Variants in PRKCA observed in about 807,000 individuals in gnomAD.
PRKCA encodes protein kinase C alpha.
In PRKCA, 27 loss-of-function variants were observed where a neutral mutation model predicts 87.0. The observed-to-expected ratio is 0.31, with a 90% CI of 0.23 to 0.43. PRKCA has a LOEUF of 0.43. Ranked by LOEUF, PRKCA falls within the 20% of genes least tolerant of loss-of-function variation. The probability of loss-of-function intolerance (pLI) is 1.00; values close to 1 mark genes in which losing one functional copy is unlikely to be tolerated. For synonymous variants in PRKCA, 329 were observed against 311.1 expected, an observed-to-expected ratio of 1.06 and a Z score of -0.61; for missense variants, 518 against 852.3, an observed-to-expected ratio of 0.61 and a Z score of 4.88.
chr17:66,474,991 A>G (rs1460550132), intron 2 of PRKCA, among the ~76,000 whole-genome samples: 2 of 151,992 alleles, frequency 1.3e-5, no homozygotes, highest in South Asian at 4.1e-4. Context: ...TGTAACCTCC[A>G]CCCTTTGTTT....
chr17:66,382,838 C>T (rs931811052), intron 2 of PRKCA, among the ~76,000 whole-genome samples: 5 of 152,182 alleles, frequency 3.3e-5, no homozygotes, highest in South Asian at 2.1e-4. Flanking sequence ...ACTGGACAGA[C>T]ACCCCCCCAT....
chr17:66,468,775 A>T (rs996384531), intron 2 of PRKCA, among the ~76,000 whole-genome samples: 1 of 152,096 alleles, frequency 6.6e-6, no homozygotes, highest in Non-Finnish European at 1.5e-5. Context: ...AGAGAAACAG[A>T]AGTTGTGGCT....
At chr17:66,569,450 TC>T (rs1479727340) in intron 3 of PRKCA, among the ~76,000 whole-genome samples, 1 of 152,166 alleles carries the variant, frequency 6.6e-6, no homozygotes, top group Admixed American at 6.5e-5. Flanking sequence ...GCACCTGTAA[TC>T]CCAGCTACCT....
At chr17:66,462,978 C>T (rs1914925790) in intron 2 of PRKCA, among the ~76,000 whole-genome samples, 1 of 151,484 alleles carries the variant, frequency 6.6e-6, no homozygotes, top group African/African-American at 2.4e-5. Flanking sequence ...TTATGAGTCA[C>T]TGACTGGCAA....
At chr17:66,798,452 ACGG>A (rs1568040912) in intron 16 of PRKCA, among the ~76,000 whole-genome samples, 3 of 8,952 alleles carry the variant, frequency 3.4e-4, no homozygotes, top group Non-Finnish European at 4.3e-4. Context: ...GGTGGTGGTG[ACGG>A]TGGTGGTGGT....
chr17:66,740,329 G>T (rs1039070277), intron 11 of PRKCA, among the ~76,000 whole-genome samples: 2 of 152,096 alleles, frequency 1.3e-5, no homozygotes, highest in African/African-American at 4.8e-5. Flanking sequence ...TCACCTCTCA[G>T]GGGCCAGGAA....
chr17:66,322,107 T>C (rs1905705057), intron 2 of PRKCA, among the ~76,000 whole-genome samples: 1 of 152,232 alleles, frequency 6.6e-6, no homozygotes, highest in Admixed American at 6.5e-5. Context: ...TGCATTTATA[T>C]TGGTTCTCAT....
chr17:66,500,228 T>C (rs1181614464), intron 3 of PRKCA, among the ~76,000 whole-genome samples: 2 of 152,172 alleles, frequency 1.3e-5, no homozygotes, highest in East Asian at 3.9e-4. Flanking sequence ...GAAAATTTGA[T>C]TTTTGGTCTT....
At chr17:66,372,067 A>G (rs981377753) in intron 2 of PRKCA, among the ~76,000 whole-genome samples, 2 of 152,174 alleles carry the variant, frequency 1.3e-5, no homozygotes, top group Non-Finnish European at 2.9e-5. Flanking sequence ...TTACTTATGG[A>G]TGATATGAAG....
intron 5 of PRKCA, among the ~76,000 whole-genome samples, chr17:66,648,960 G>C (rs1971519595): frequency 6.6e-6 from 1 of 152,022 alleles, no homozygotes; most frequent in Admixed American, 6.6e-5. Context: ...CAAGTATGGT[G>C]GCATGCGCAT....
At chr17:66,400,077 A>G (rs1193571343) in intron 2 of PRKCA, among the ~76,000 whole-genome samples, 2 of 152,134 alleles carry the variant, frequency 1.3e-5, no homozygotes, top group African/African-American at 4.8e-5. Flanking sequence ...TATTTTTTTA[A>G]TCTGTCAATG....
intron 5 of PRKCA, among the ~76,000 whole-genome samples, chr17:66,670,686 G>A (rs1448539160): frequency 3.3e-5 from 5 of 151,590 alleles, no homozygotes; most frequent in Non-Finnish European, 4.4e-5. Context: ...TGGTGAAATC[G>A]CCATCTCTAC....
intron 2 of PRKCA, among the ~76,000 whole-genome samples, chr17:66,346,827 G>A (rs560280069): frequency 2.6e-5 from 4 of 152,068 alleles, no homozygotes; most frequent in Middle Eastern, 3.4e-3. Flanking sequence ...TCAGGAGTTC[G>A]AGACCAGCCC....
chr17:66,691,161 T>G (rs1422690517), intron 8 of PRKCA, among the ~76,000 whole-genome samples: 1 of 152,074 alleles, frequency 6.6e-6, no homozygotes, highest in Non-Finnish European at 1.5e-5. Flanking sequence ...ACAAAAAACT[T>G]AGAACTCTGT....
At chr17:66,466,748 A>G (rs1193960523) in intron 2 of PRKCA, among the ~76,000 whole-genome samples, 3 of 152,328 alleles carry the variant, frequency 2.0e-5, no homozygotes, top group South Asian at 2.1e-4. Flanking sequence ...TTATTTCTAA[A>G]GAGAAGTGGG....
At chr17:66,776,349 T>A (rs1488797512) in intron 14 of PRKCA, among the ~76,000 whole-genome samples, 1 of 152,174 alleles carries the variant, frequency 6.6e-6, no homozygotes, top group Non-Finnish European at 1.5e-5. Context: ...TTTTGCTCTG[T>A]TGCCCAGGCT....
At chr17:66,409,725 C>G (rs1051469604) in intron 2 of PRKCA, among the ~76,000 whole-genome samples, 11 of 152,064 alleles carry the variant, frequency 7.2e-5, no homozygotes, top group Non-Finnish European at 8.8e-5. Context: ...GTCAGGAGAT[C>G]GAGACCATCC....
chr17:66,478,543 C>T (rs551785167), intron 2 of PRKCA, among the ~76,000 whole-genome samples: 15 of 152,198 alleles, frequency 9.9e-5, no homozygotes, highest in Admixed American at 2.0e-4. Flanking sequence ...CATGGACCAC[C>T]GCGCCCAGCC....
chr17:66,544,952 C>T (rs1307103043), intron 3 of PRKCA, among the ~76,000 whole-genome samples: 1 of 152,076 alleles, frequency 6.6e-6, no homozygotes, highest in East Asian at 1.9e-4. Context: ...AATAAATTAC[C>T]ATTATTTTCT....
Sources: allele counts gnomAD v4.1 joint callset (sites outside exome capture counted in the v4.1 genomes callset), GRCh38; gene constraint gnomAD v4.1.1; transcripts MANE v1.5; gene names NCBI Gene and HGNC (gene_info 2026-07-23, HGNC 2026-07-21).